The following ANKRD6 variants were observed in gnomAD, a reference collection of about 807,000 sequenced individuals.
The protein encoded by ANKRD6 is ankyrin repeat domain-containing protein 6.
A neutral mutation model predicts 82.3 loss-of-function variants in ANKRD6; 56 were observed. That is an observed-to-expected ratio of 0.68 (90% CI 0.55 to 0.85). ANKRD6 has a LOEUF of 0.85. ANKRD6 is among the 40% of genes least tolerant of loss of function. ANKRD6 has a pLI of 0.00. For missense variants in ANKRD6, 852 were observed against 907.6 expected, an observed-to-expected ratio of 0.94 and a Z score of 0.79; for synonymous variants, 347 against 352.1, an observed-to-expected ratio of 0.99 and a Z score of 0.16.
In ANKRD6 at chr6:89,617,944, C is replaced by G. The variant is rs1802020303; in HGVS notation, c.715-10C>G. 1 of 1,613,678 alleles carries G rather than the reference C, an allele frequency of 6.2e-7. No homozygotes were observed. The highest frequency in any genetic ancestry group is 8.5e-7 in the Non-Finnish European group (1 of 1,179,804). ...CCCTTTCTCACCTGTCCTACTCTGC[C>G]TCTCCTCAGGCAGGCCAGACTCCGC... On this transcript the variant is annotated splice_polypyrimidine_tract_variant and intron_variant, in intron 8 of 15. Transcript: ENST00000339746.
intron 1 of ANKRD6, among the ~76,000 whole-genome samples, chr6:89,472,736 G>A (rs1449794040): frequency 6.6e-6 from 1 of 152,146 alleles, no homozygotes; most frequent in African/African-American, 2.4e-5. Flanking sequence ...TGGAGTATCT[G>A]CCTTGGCCCT....
intron 1 of ANKRD6, among the ~76,000 whole-genome samples, chr6:89,535,987 T>C (rs148769111): frequency 1.1e-3 from 171 of 152,304 alleles, no homozygotes; most frequent in African/African-American, 3.8e-3. Flanking sequence ...CACAGCACTT[T>C]GGGAGGCCAA....
chr6:89,548,340 T>C (rs1342829998), intron 1 of ANKRD6, among the ~76,000 whole-genome samples: 1 of 152,214 alleles, frequency 6.6e-6, no homozygotes, highest in African/African-American at 2.4e-5. Context: ...AAGATGCATC[T>C]ATGTTATAGC....
At chr6:89,461,001 A>G (rs1315484512) in intron 1 of ANKRD6, among the ~76,000 whole-genome samples, 1 of 149,532 alleles carries the variant, frequency 6.7e-6, no homozygotes, top group Non-Finnish European at 1.5e-5. Flanking sequence ...CCCGGGTTCA[A>G]GCGATTCTCC....
intron 1 of ANKRD6, among the ~76,000 whole-genome samples, chr6:89,479,433 C>T (rs1159444237): frequency 6.6e-6 from 1 of 152,148 alleles, no homozygotes; most frequent in Non-Finnish European, 1.5e-5. Flanking sequence ...GCATAATATT[C>T]TACCAGATGG....
rs552311311 is a variant in ANKRD6, at chr6:89,436,412, A to C, written c.-144+3037A>C. Among the ~76,000 whole-genome samples the C allele has an allele frequency of 3.7e-4, 56 of 152,386 alleles. No individual in the cohort carries two copies. The South Asian group carries it at 0.011, about 31-fold the overall frequency. On this transcript the variant is annotated intron_variant, in intron 1 of 15. Transcript: ENST00000339746. ...ACTACCTCCAGTTAATAGGTTCAGCAGTGTCCAGACATGTTTGGTATACTA... is the reference window on the plus strand; with the variant it reads ...ACTACCTCCAGTTAATAGGTTCAGCCGTGTCCAGACATGTTTGGTATACTA...
chr6:89,556,759 G>T (rs1314390289), intron 1 of ANKRD6, among the ~76,000 whole-genome samples: 1 of 152,196 alleles, frequency 6.6e-6, no homozygotes, highest in African/African-American at 2.4e-5. Context: ...CACTTTCTAT[G>T]TGGCGGGCAT....
intron 1 of ANKRD6, among the ~76,000 whole-genome samples, chr6:89,541,536 G>A (rs1489587180): frequency 2.0e-5 from 3 of 151,598 alleles, no homozygotes; most frequent in African/African-American, 7.3e-5. Flanking sequence ...GGGATTACAG[G>A]CACCCACCAC....
At chr6:89,582,900 G>A (rs1765101460) in intron 2 of ANKRD6, among the ~76,000 whole-genome samples, 2 of 152,218 alleles carry the variant, frequency 1.3e-5, no homozygotes, top group African/African-American at 2.4e-5. Flanking sequence ...GTGTAATTAA[G>A]GATGTAGAAA....
intron 10 of ANKRD6, 151 bp from the exon 11 acceptor site, chr6:89,623,259 G>C: frequency 9.3e-7 from 1 of 1,074,320 alleles, no homozygotes; most frequent in South Asian, 2.0e-5. Flanking sequence ...AGACCACCAA[G>C]CAGTGTTTCC....
At chr6:89,506,945 A>G (rs149093764) in intron 1 of ANKRD6, among the ~76,000 whole-genome samples, 40 of 152,350 alleles carry the variant, frequency 2.6e-4, no homozygotes, top group African/African-American at 9.1e-4. Context: ...CTCTTCTTCC[A>G]TGTGTTGGCA....
At chr6:89,566,693 C>T (rs1024724989) in intron 1 of ANKRD6, 141 bp from the exon 2 acceptor site, 5 of 346,168 alleles carry the variant, frequency 1.4e-5, no homozygotes, top group Non-Finnish European at 1.7e-5. Context: ...GTGGAGTGTG[C>T]TTCCTGTGTG....
chr6:89,608,022 C>T (rs1477856727), intron 5 of ANKRD6, among the ~76,000 whole-genome samples: 1 of 152,156 alleles, frequency 6.6e-6, no homozygotes, highest in East Asian at 1.9e-4. Context: ...CTGCCCACCT[C>T]GGCCTCCCAA....
intron 1 of ANKRD6, among the ~76,000 whole-genome samples, chr6:89,495,616 C>T (rs973063575): frequency 1.6e-4 from 25 of 152,086 alleles, no homozygotes; most frequent in African/African-American, 5.8e-4. Flanking sequence ...TTAGTATTTT[C>T]AGTACTCTTC....
chr6:89,586,422 C>A (rs1793693745), intron 2 of ANKRD6, among the ~76,000 whole-genome samples: 1 of 152,170 alleles, frequency 6.6e-6, no homozygotes, highest in South Asian at 2.1e-4. Flanking sequence ...GGCGTAGTGG[C>A]TCACACCTGT....
intron 7 of ANKRD6, among the ~76,000 whole-genome samples, chr6:89,614,710 C>G (rs1801066947): frequency 6.6e-6 from 1 of 151,862 alleles, no homozygotes; most frequent in South Asian, 2.1e-4. Context: ...GCCTGTAGTT[C>G]CAGCTACTCA....
intron 1 of ANKRD6, among the ~76,000 whole-genome samples, chr6:89,524,824 G>T (rs1490415279): frequency 6.6e-6 from 1 of 151,710 alleles, no homozygotes; most frequent in East Asian, 1.9e-4. Flanking sequence ...CATAGTGGTT[G>T]TACTAGTTTA....
Position 89,616,501 on chromosome 6 carries a change from G to C in ANKRD6, c.616-58G>C, listed in dbSNP as rs1374567699. 7 of 1,545,984 alleles carry C rather than the reference G, an allele frequency of 4.5e-6. No individual in the cohort carries two copies. In the South Asian group the frequency reaches 5.6e-5, roughly 12 times the overall value. ...CCACACCTAGGCCAGGTAATGAAAA[G>C]CTGGGGGCTGTAGGCCATGAGCAGA... On this transcript the variant is annotated intron_variant, in intron 7 of 15. Transcript: ENST00000339746.
At chr6:89,626,858 C>A (rs927164702) in intron 13 of ANKRD6, among the ~76,000 whole-genome samples, 4 of 152,254 alleles carry the variant, frequency 2.6e-5, no homozygotes, top group African/African-American at 9.6e-5. Flanking sequence ...CTTCTACACT[C>A]TTCTTACGTA....
Sources: gnomAD v4.1 joint callset for allele counts (sites outside exome capture counted in the v4.1 genomes callset) on GRCh38, gnomAD v4.1.1 for gene constraint, MANE v1.5 for transcripts, NCBI Gene and HGNC (gene_info 2026-07-23, HGNC 2026-07-21) for gene names.